TOR1AIP2: variants seen among roughly 807,000 people sequenced by gnomAD.
The protein encoded by TOR1AIP2 is torsin-1A-interacting protein 2.
A neutral mutation model predicts 32.6 loss-of-function variants in TOR1AIP2; 20 were observed. The ratio of observed to expected loss-of-function variants is 0.61; its 90% CI spans 0.43 to 0.89. The LOEUF is 0.89. TOR1AIP2 is among the 40% of genes least tolerant of loss of function. The pLI, the probability that TOR1AIP2 is intolerant of heterozygous loss-of-function variation, is 0.00. For synonymous variants in TOR1AIP2, 214 were observed against 210.8 expected (o/e 1.02, Z -0.13); for missense variants, 456 against 553.8 (o/e 0.82, Z 1.77).
chr1:179,862,582 C>T, intron 3 of TOR1AIP2: 1 of 985,398 alleles, frequency 1.0e-6, no homozygotes, highest in Non-Finnish European at 1.2e-6. Context: ...CAACATGTAG[C>T]AAGTATGATT....
Position 179,850,997 on chromosome 1 carries a change from C to T in TOR1AIP2, c.401G>A (p.Ser134Asn), listed in dbSNP as rs1696094104. The T allele has an allele frequency of 1.2e-6, 2 of 1,614,194 alleles. No individual in the cohort carries two copies. The highest frequency in any genetic ancestry group is 1.7e-6 in the Non-Finnish European group (2 of 1,180,034). The part of the protein sequence containing the change: ...KVGRADAHLG[S>N]SSVALPKEAS... ...TTCCTTAGGGAGGGCCACAGAGCTG[C>T]TCCCTAAGTGTGCATCTGCTCTTCC... The change falls in exon 5 of 7, where the codon AGC (serine) becomes AAC (asparagine). Residue 134 changes from serine (S) to asparagine (N), a missense_variant. Coordinates refer to ENST00000609928, the MANE Select transcript of TOR1AIP2 (RefSeq NM_001199260.2).
Position 179,845,070 on chromosome 1 carries a change from T to C in TOR1AIP2, c.*1001A>G, listed in dbSNP as rs1279259159. On this transcript the variant is annotated 3_prime_UTR_variant, in exon 7 of 7. Coordinates refer to ENST00000609928, the MANE Select transcript of TOR1AIP2 (RefSeq NM_001199260.2). ...TTCATGTATAGATCTTTATCCTTCATAAATAATGTATCTATACAATAAACC... is the reference window on the plus strand; with the variant it reads ...TTCATGTATAGATCTTTATCCTTCACAAATAATGTATCTATACAATAAACC... The C allele has an allele frequency of 3.3e-5, 5 of 152,220 alleles. No individual in the cohort carries two copies. The allele number at this position is 152,220 out of a possible 1,614,324, so 9.4% of individuals were successfully genotyped here. A position where few individuals can be genotyped will look rare whatever the true frequency, so the allele number is the denominator to read the frequency against.
intron 5 of TOR1AIP2, among the ~76,000 whole-genome samples, chr1:179,850,346 A>G (rs932568127): frequency 2.0e-5 from 3 of 152,228 alleles, no homozygotes; most frequent in Non-Finnish European, 2.9e-5. Flanking sequence ...AAAACCACGT[A>G]TAGAGAAACT....
At chr1:179,864,532 T>C in intron 3 of TOR1AIP2, 7 of 1,212,840 alleles carry the variant, frequency 5.8e-6, no homozygotes, top group Non-Finnish European at 7.2e-6. Flanking sequence ...AAACAGTTTA[T>C]AGGAAATACG....
chr1:179,862,580 A>G, intron 3 of TOR1AIP2: 2 of 985,446 alleles, frequency 2.0e-6, no homozygotes, highest in Non-Finnish European at 2.4e-6. Context: ...CACAACATGT[A>G]GCAAGTATGA....
At chr1:179,856,769 G>A (rs1204721907) in intron 3 of TOR1AIP2, among the ~76,000 whole-genome samples, 9 of 152,082 alleles carry the variant, frequency 5.9e-5, no homozygotes, top group East Asian at 1.9e-4. Flanking sequence ...GCGCACCACC[G>A]TGCCCAGCTA....
intron 3 of TOR1AIP2, among the ~76,000 whole-genome samples, chr1:179,855,734 G>A (rs1012136828): frequency 6.6e-6 from 1 of 152,104 alleles, no homozygotes; most frequent in Non-Finnish European, 1.5e-5. Context: ...GTCCATTGCT[G>A]TATTGTTTAA....
Position 179,846,148 on chromosome 1 carries a change from G to A in TOR1AIP2, c.1336C>T (p.Leu446=), listed in dbSNP as rs1190635885. The change falls in exon 7 of 7, where the codon CTG becomes TTG. Residue 446 remains leucine (L), a synonymous_variant. Coordinates refer to ENST00000609928, the MANE Select transcript of TOR1AIP2 (RefSeq NM_001199260.2). The part of the protein sequence containing the change: ...NHMDSDKLSG[L]WSRISHLVLP... Reference sequence around the variant, plus strand: ...ACCAGGTGTGAAATTCGGCTCCACAGCCCACTCAATTTGTCTGAGTCCATG... The same window carrying A: ...ACCAGGTGTGAAATTCGGCTCCACAACCCACTCAATTTGTCTGAGTCCATG... 3 of 1,614,068 alleles carry A rather than the reference G, an allele frequency of 1.9e-6. No individual in the cohort carries two copies. Among genetic ancestry groups the A allele is most frequent in the Non-Finnish European group, 2.5e-6 (3 of 1,180,038 alleles).
intron 3 of TOR1AIP2, chr1:179,862,925 CAAA>C (rs550277192): frequency 2.2e-4 from 20 of 88,996 alleles, no homozygotes; most frequent in Admixed American, 4.0e-4. Flanking sequence ...GAGACTCCGT[CAAA>C]AAAAAAAAAA....
At chr1:179,852,104 A>ACC (rs1696135666) in intron 4 of TOR1AIP2, among the ~76,000 whole-genome samples, 1 of 152,094 alleles carries the variant, frequency 6.6e-6, no homozygotes, top group African/African-American at 2.4e-5. Flanking sequence ...ACATGGTGAA[A>ACC]CCCCGTCTCT....
At chr1:179,857,982 T>A (rs533005876) in intron 3 of TOR1AIP2, among the ~76,000 whole-genome samples, 1 of 151,950 alleles carries the variant, frequency 6.6e-6, no homozygotes, top group Admixed American at 6.6e-5. Flanking sequence ...AATGAGATGA[T>A]GTCTCTACAA....
Position 179,850,895 on chromosome 1 carries a change from C to G in TOR1AIP2, c.503G>C (p.Ser168Thr), listed in dbSNP as rs375297372. ...TGTATCCTCACCCTCTTGCCCTGCA[C>G]TGGAATGACCAGGACTCTGGGCCTC... ...SQEAQSPGHS[S>T]AGQEGEDTLR... Residue 168 changes from serine (S) to threonine (T), a missense_variant, in exon 5 of 7, where the codon AGT (serine) becomes ACT (threonine). Transcript: ENST00000609928. 3 of 1,614,090 alleles carry G rather than the reference C, an allele frequency of 1.9e-6. No homozygotes were observed. Among genetic ancestry groups the G allele is most frequent in the African/African-American group, 2.7e-5 (2 of 74,946 alleles).
At chr1:179,876,988 A>AT (rs11359156) in intron 2 of TOR1AIP2, among the ~76,000 whole-genome samples, 214 of 146,862 alleles carry the variant, frequency 1.5e-3, no homozygotes, top group Middle Eastern at 3.4e-3. Context: ...TTTAGCACCA[A>AT]TTTTTTTTTT....
At chr1:179,864,100 G>A in intron 3 of TOR1AIP2, 1 of 985,422 alleles carries the variant, frequency 1.0e-6, no homozygotes, top group Middle Eastern at 5.2e-4. Flanking sequence ...AGCCACGTAA[G>A]TATGGACAGG....
chr1:179,857,149 A>G (rs1008657213), intron 3 of TOR1AIP2, among the ~76,000 whole-genome samples: 1 of 152,264 alleles, frequency 6.6e-6, no homozygotes. Flanking sequence ...TATGGCAACA[A>G]AAGACATTCA....
chr1:179,846,247 C>T lies in TOR1AIP2; in HGVS notation c.1237G>A (p.Glu413Lys), dbSNP rs2148421564. 4 of 1,614,172 alleles carry T rather than the reference C, an allele frequency of 2.5e-6. No homozygotes were observed. The highest frequency in any genetic ancestry group is 3.4e-6 in the Non-Finnish European group (4 of 1,180,032). Residue 413 changes from glutamate (E) to lysine (K), a missense_variant, in exon 7 of 7, where the codon GAA becomes AAA. Coordinates refer to ENST00000609928, the MANE Select transcript of TOR1AIP2 (RefSeq NM_001199260.2). ...ETLEASVGPR[E>K]TEEKVRDLLW... Reference sequence around the variant, plus strand: ...AAGTCTCTCACTTTTTCTTCCGTTTCCCTTGGGCCTACACTTGCTTCTAAT... The same window carrying T: ...AAGTCTCTCACTTTTTCTTCCGTTTTCCTTGGGCCTACACTTGCTTCTAAT...
intron 3 of TOR1AIP2, chr1:179,864,761 A>T: frequency 6.4e-7 from 1 of 1,557,348 alleles, no homozygotes; most frequent in Non-Finnish European, 8.7e-7. Context: ...TAGACTTGAC[A>T]ATTTTGACTA....
At chr1:179,862,627 T>G (rs538814642) in intron 3 of TOR1AIP2, 1 of 985,436 alleles carries the variant, frequency 1.0e-6, no homozygotes, top group East Asian at 1.1e-4. Context: ...TCCTCACGTT[T>G]TCCTTGCTAA....
At position 179,844,628 on chromosome 1, in the gene TOR1AIP2, A is replaced by G. The variant is rs911842602; in HGVS notation, c.*1443T>C. 1 of 152,202 alleles carries G rather than the reference A, an allele frequency of 6.6e-6. No individual in the cohort carries two copies. The highest frequency in any genetic ancestry group is 2.1e-4 in the South Asian group (1 of 4,828). 9.4% of individuals were successfully genotyped at this position (152,202 alleles called of 1,614,324 possible). ...TCAATCTTTCTTACAATCACAGAAC[A>G]TGGTCCGTCAGTACTGAACATCAAA... is the stretch of plus-strand genomic sequence containing the variant. On this transcript the variant is annotated 3_prime_UTR_variant, in exon 7 of 7. Transcript: ENST00000609928.
Sources: allele counts gnomAD v4.1 joint callset (sites outside exome capture counted in the v4.1 genomes callset), GRCh38; gene constraint gnomAD v4.1.1; transcripts MANE v1.5; gene names NCBI Gene and HGNC (gene_info 2026-07-23, HGNC 2026-07-21).